The following HIP1 variants were observed in gnomAD, a reference collection of about 807,000 sequenced individuals.
HIP1 encodes huntingtin interacting protein 1, also known as huntingtin-interacting protein 1.
HIP1 carries 65 observed loss-of-function variants against 147.6 expected under a neutral mutation model. That is an observed-to-expected ratio of 0.44 (90% CI 0.36 to 0.54). The LOEUF (loss-of-function observed/expected upper bound fraction) is 0.54. HIP1 is among the 20% of genes least tolerant of loss of function. The pLI is 0.00. For synonymous variants in HIP1, 479 were observed against 504.0 expected (o/e 0.95, Z 0.67); for missense variants, 1,061 against 1,299.6 (o/e 0.82, Z 2.82).
chr7:75,542,813 C>T (rs1794385985), intron 28 of HIP1, 38 bp downstream of exon 28: 1 of 1,609,428 alleles, frequency 6.2e-7, no homozygotes, highest in Non-Finnish European at 8.5e-7. Flanking sequence ...AAGAGCTCAA[C>T]AGGGTGGGTA....
intron 1 of HIP1, among the ~76,000 whole-genome samples, chr7:75,618,580 C>A (rs1177051781): frequency 6.6e-6 from 1 of 152,186 alleles, no homozygotes; most frequent in African/African-American, 2.4e-5. Flanking sequence ...AGCCACCGCA[C>A]CCAGCTGTTT....
chr7:75,699,596 G>A lies in HIP1; in HGVS notation c.120+39205C>T, dbSNP rs79202311. ...GGCACGGGCCAAACAAAATGGGCCC[G>A]CAAAAGAATCCAGCCCTCGAGACGC... is the stretch of plus-strand genomic sequence containing the variant. On this transcript the variant is annotated intron_variant, in intron 1 of 30. Coordinates refer to ENST00000336926, the MANE Select transcript of HIP1 (RefSeq NM_005338.7). 1.6e-3 allele frequency among the ~76,000 whole-genome samples: 246 copies of A among 152,294 alleles called. 7 individuals are homozygous for A. In the East Asian group the frequency reaches 0.044, roughly 27 times the overall value.
At chr7:75,689,335 G>A (rs1334888656) in intron 1 of HIP1, among the ~76,000 whole-genome samples, 4 of 152,028 alleles carry the variant, frequency 2.6e-5, no homozygotes, top group South Asian at 2.1e-4. Flanking sequence ...GTGAAATGTC[G>A]TCTCTACTAA....
chr7:75,700,080 G>A (rs530293620), intron 1 of HIP1, among the ~76,000 whole-genome samples: 1 of 152,154 alleles, frequency 6.6e-6, no homozygotes, highest in South Asian at 2.1e-4. Flanking sequence ...CGAACTCCTG[G>A]CCTCAAGTGA....
At chr7:75,587,155 G>A (rs1165346057) in intron 4 of HIP1, among the ~76,000 whole-genome samples, 1 of 152,140 alleles carries the variant, frequency 6.6e-6, no homozygotes, top group East Asian at 1.9e-4. Context: ...TACCCAGGCT[G>A]GTCTCAAACT....
At chr7:75,715,839 A>G (rs1472871295) in intron 1 of HIP1, among the ~76,000 whole-genome samples, 2 of 149,546 alleles carry the variant, frequency 1.3e-5, no homozygotes, top group Admixed American at 1.3e-4. Context: ...TTATACAAGC[A>G]TGACACTCAC....
chr7:75,613,108 T>C (rs1303568926), intron 1 of HIP1, among the ~76,000 whole-genome samples: 4 of 140,886 alleles, frequency 2.8e-5, no homozygotes, highest in African/African-American at 1.2e-4. Context: ...CACACACACA[T>C]GCACACAAAA....
intron 1 of HIP1, 118 bp downstream of exon 1, chr7:75,738,683 T>C: frequency 1.6e-6 from 2 of 1,268,396 alleles, no homozygotes; most frequent in East Asian, 2.7e-5. Flanking sequence ...CCCCGCTCAC[T>C]ACACCCTCGC....
At chr7:75,655,848 A>G (rs1799125439) in intron 1 of HIP1, among the ~76,000 whole-genome samples, 1 of 151,724 alleles carries the variant, frequency 6.6e-6, no homozygotes, top group African/African-American at 2.4e-5. Flanking sequence ...GGTTGGGTGC[A>G]GTGGCTCACA....
Position 75,536,146 on chromosome 7 carries a change from C to T in HIP1, c.*2026G>A, listed in dbSNP as rs183232064. 41 of 199,512 alleles carry T rather than the reference C, an allele frequency of 2.1e-4. No homozygotes were observed. In the East Asian group the frequency reaches 3.1e-3, roughly 15 times the overall value. The allele number at this position is 199,512 out of a possible 1,614,324, so 12.4% of individuals were successfully genotyped here. A position where few individuals can be genotyped will look rare whatever the true frequency, so the allele number is the denominator to read the frequency against. On this transcript the variant is annotated 3_prime_UTR_variant, in exon 31 of 31. Coordinates refer to ENST00000336926, the MANE Select transcript of HIP1 (RefSeq NM_005338.7). ...AGTTGCCACAACTGGGACAGGGAAG[C>T]CACGCACCATTCCTTCTGAGCCTTG...
chr7:75,546,042 G>T (rs911445197), intron 25 of HIP1, among the ~76,000 whole-genome samples: 5 of 152,014 alleles, frequency 3.3e-5, no homozygotes, highest in African/African-American at 1.2e-4. Flanking sequence ...TAAATCTTGG[G>T]CTTTTCTGAC....
chr7:75,564,276 T>C (rs1293701931), intron 9 of HIP1, among the ~76,000 whole-genome samples: 1 of 152,076 alleles, frequency 6.6e-6, no homozygotes, highest in Non-Finnish European at 1.5e-5. Flanking sequence ...TCCAGACTTA[T>C]ATATTCTTCA....
chr7:75,611,573 T>G, intron 1 of HIP1: 2 of 549,420 alleles, frequency 3.6e-6, no homozygotes, highest in Non-Finnish European at 4.7e-6. Flanking sequence ...AAGGACATCA[T>G]TTGGTTCTGA....
chr7:75,719,520 A>G (rs1366405961), intron 1 of HIP1, among the ~76,000 whole-genome samples: 3 of 150,478 alleles, frequency 2.0e-5, no homozygotes, highest in Non-Finnish European at 4.5e-5. Context: ...AAAAAAAAAG[A>G]AGACTAATAG....
Position 75,568,641 on chromosome 7 carries a change from G to A in HIP1, c.746-385C>T, listed in dbSNP as rs1795499920. Among the ~76,000 whole-genome samples the A allele has an allele frequency of 6.6e-6, 1 of 152,156 alleles. No individual in the cohort carries two copies. Among genetic ancestry groups the A allele is most frequent in the Admixed American group, 6.6e-5 (1 of 15,250 alleles). On this transcript the variant is annotated intron_variant, in intron 8 of 30. Transcript: ENST00000336926. The surrounding 1 kb of genome is among the most constrained non-coding windows in gnomAD (Gnocchi z 4.1). ...ATTGCCTGCATTTGTTTTAGGTTGA[G>A]GCTCAGGGCTGATATTAGTCTGGAA...
chr7:75,559,887 C>T lies in HIP1; in HGVS notation c.1220G>A (p.Gly407Asp). ...ESQRVVLQLK[G>D]HVSELEADLA... ...ATCTGCTTCCAGCTCGCTGACGTGG[C>T]CCTTCAGCTGCAGCACAACCCGCTG... Residue 407 changes from glycine to aspartate, a missense_variant, in exon 14 of 31, where the codon GGC becomes GAC. This residue lies in a region of HIP1 where 810 missense variants were observed against 946.8 expected (regional missense o/e 0.86). Transcript: ENST00000336926. The T allele has an allele frequency of 6.2e-7, 1 of 1,608,930 alleles. No individual in the cohort carries two copies.
intron 7 of HIP1, among the ~76,000 whole-genome samples, chr7:75,574,364 G>A (rs587625313): frequency 1.3e-5 from 2 of 152,046 alleles, no homozygotes; most frequent in Non-Finnish European, 2.9e-5. Context: ...TGAGGCGGGT[G>A]GATCGCCTGA....
At chr7:75,540,791 T>A (rs919820635) in intron 29 of HIP1, among the ~76,000 whole-genome samples, 1 of 152,300 alleles carries the variant, frequency 6.6e-6, no homozygotes, top group African/African-American at 2.4e-5. Flanking sequence ...AGAGAAATAA[T>A]GGCATTGCCT....
At chr7:75,644,271 C>T (rs1285759714) in intron 1 of HIP1, among the ~76,000 whole-genome samples, 2 of 152,116 alleles carry the variant, frequency 1.3e-5, no homozygotes, top group Non-Finnish European at 2.9e-5. Flanking sequence ...TGGTGGCTAG[C>T]TCTTGGAAGC....
Sources: gnomAD v4.1 joint callset for allele counts (sites outside exome capture counted in the v4.1 genomes callset) on GRCh38, gnomAD v4.1.1 for gene constraint, gnomAD v4.1.1 regional missense constraint, Gnocchi (gnomAD v3.1) non-coding constraint, MANE v1.5 for transcripts, NCBI Gene and HGNC (gene_info 2026-07-23, HGNC 2026-07-21) for gene names.